The following TAF10 variants were observed in gnomAD, a reference collection of about 807,000 sequenced individuals.
The protein encoded by TAF10 is TATA-box binding protein associated factor 10.
In TAF10, 2 loss-of-function variants were observed where a neutral mutation model predicts 18.1. That is an observed-to-expected ratio of 0.11 (90% CI 0.05 to 0.35). The LOEUF (loss-of-function observed/expected upper bound fraction) is 0.35, where lower values mean the gene tolerates loss of function less well. Ranked by LOEUF, TAF10 falls within the 10% of genes least tolerant of loss-of-function variation. The probability of loss-of-function intolerance (pLI) is 1.00; values close to 1 mark genes in which losing one functional copy is unlikely to be tolerated. For missense variants in TAF10, 293 were observed against 306.9 expected (o/e 0.95, Z 0.34); for synonymous variants, 158 against 134.6 (o/e 1.17, Z -1.20).
At position 6,610,565 on chromosome 11, in the gene TAF10, A is replaced by G; in HGVS notation, c.*357T>C. ...AATGAAGACCCTGCAAAGCGACCCA[A>G]ATTTGACATGATTGTGCCTATCCTT... On this transcript the variant is annotated 3_prime_UTR_variant, in exon 5 of 5. Transcript: ENST00000299424. The G allele has an allele frequency of 1.9e-6, 3 of 1,614,208 alleles. No individual in the cohort carries two copies. Among genetic ancestry groups the G allele is most frequent in the South Asian group, 1.1e-5 (1 of 91,082 alleles).
Position 6,609,798 on chromosome 11 carries a change from C to T in TAF10, c.*1124G>A, listed in dbSNP as rs376990122. 9 of 1,614,062 alleles carry T rather than the reference C, an allele frequency of 5.6e-6. No individual in the cohort carries two copies. In the East Asian group the frequency reaches 1.6e-4, roughly 28 times the overall value. Reference sequence around the variant, plus strand: ...AAGGGGCATGGCCTTCCTACACACACTAGAGCCCCTCATCCCACGACATGC... The same window carrying T: ...AAGGGGCATGGCCTTCCTACACACATTAGAGCCCCTCATCCCACGACATGC... On this transcript the variant is annotated 3_prime_UTR_variant, in exon 5 of 5. Coordinates refer to ENST00000299424, the MANE Select transcript of TAF10 (RefSeq NM_006284.4).
Position 6,609,412 on chromosome 11 carries a change from G to T in TAF10, c.*1510C>A. On this transcript the variant is annotated 3_prime_UTR_variant, in exon 5 of 5. Coordinates refer to ENST00000299424, the MANE Select transcript of TAF10 (RefSeq NM_006284.4). ...ATGAAGAGTGTCCCCGGCTCAGGTAGTGCAAGGCGTAACCTGGAAGCTGCT... is the reference window on the plus strand; with the variant it reads ...ATGAAGAGTGTCCCCGGCTCAGGTATTGCAAGGCGTAACCTGGAAGCTGCT... 6.2e-7 allele frequency: 1 copy of T among 1,613,706 alleles called. No individual in the cohort carries two copies. Among genetic ancestry groups the T allele is most frequent in the Non-Finnish European group, 8.5e-7 (1 of 1,179,678 alleles).
chr11:6,611,129 C>T (rs560143666), intron 4 of TAF10, 60 bp downstream of exon 4: 1 of 1,591,572 alleles, frequency 6.3e-7, no homozygotes, highest in East Asian at 2.2e-5. Flanking sequence ...AAAGGGGTGG[C>T]AGGATAAGCC....
chr11:6,610,017 G>A lies in TAF10; in HGVS notation c.*905C>T. On this transcript the variant is annotated 3_prime_UTR_variant, in exon 5 of 5. Transcript: ENST00000299424. ...ATGTCCTGGTCGCATGTATGCACCT[G>A]CCTGGGTAGCCCCCGAAGGTGAGTG... 2 of 1,614,182 alleles carry A rather than the reference G, an allele frequency of 1.2e-6. No individual in the cohort carries two copies. Among genetic ancestry groups the A allele is most frequent in the Admixed American group, 1.7e-5 (1 of 60,034 alleles).
Position 6,608,500 on chromosome 11 carries a change from A to T in TAF10, c.*2422T>A. ...GATCAAGTGGCAGAGGTGAGTACTC[A>T]GCCCTTAATTCCTGAGATGGGTAGG... On this transcript the variant is annotated 3_prime_UTR_variant, in exon 5 of 5. Coordinates refer to ENST00000299424, the MANE Select transcript of TAF10 (RefSeq NM_006284.4). This position sits in a 1 kb window ranked among gnomAD's most constrained non-coding sequence, Gnocchi z 4.9. 1.3e-6 allele frequency: 2 copies of T among 1,597,466 alleles called. No homozygotes were observed. Among genetic ancestry groups the T allele is most frequent in the Middle Eastern group, 3.3e-4 (2 of 6,010 alleles).
Position 6,612,108 on chromosome 11 carries a change from A to G in TAF10, c.82T>C (p.Ser28Pro). 8.2e-7 allele frequency: 1 copy of G among 1,220,822 alleles called. No individual in the cohort carries two copies. Among genetic ancestry groups the G allele is most frequent in the Non-Finnish European group, 1.0e-6 (1 of 981,640 alleles). 75.6% of individuals were successfully genotyped at this position (1,220,822 alleles called of 1,614,324 possible). Residue 28 changes from serine to proline, a missense_variant, in exon 1 of 5, where the codon TCG becomes CCG. Physicochemically the swap from Ser to Pro is moderately conservative, Grantham distance 74. Transcript: ENST00000299424. The part of the protein sequence containing the change: ...ASAPGPAPPV[S>P]APAALPSSTA... ...CTGGAGGGCAGCGCGGCGGGAGCCG[A>G]GACCGGGGGCGCGGGGCCCGGGGCC...
chr11:6,609,321 G>A lies in TAF10; in HGVS notation c.*1601C>T, dbSNP rs374924048. 10 of 1,614,116 alleles carry A rather than the reference G, an allele frequency of 6.2e-6. No homozygotes were observed. In the East Asian group the frequency reaches 2.2e-4, roughly 36 times the overall value. On this transcript the variant is annotated 3_prime_UTR_variant, in exon 5 of 5. Coordinates refer to ENST00000299424, the MANE Select transcript of TAF10 (RefSeq NM_006284.4). ...CAGCTATGGAAGGGCCGCTGGCAGGGCAATGACATTGTCGTGAAGGTGCTG... is the reference window on the plus strand; with the variant it reads ...CAGCTATGGAAGGGCCGCTGGCAGGACAATGACATTGTCGTGAAGGTGCTG...
Position 6,609,026 on chromosome 11 carries a change from C to T in TAF10, c.*1896G>A. The T allele has an allele frequency of 3.7e-6, 6 of 1,611,806 alleles. No individual in the cohort carries two copies. The highest frequency in any genetic ancestry group is 5.1e-6 in the Non-Finnish European group (6 of 1,177,918). On this transcript the variant is annotated 3_prime_UTR_variant, in exon 5 of 5. Transcript: ENST00000299424. The stretch of plus-strand genomic sequence containing the variant: ...AGGAAATAATCCTGGCCTCTTGGGG[C>T]TGGGTTAGGGTGAAGCTGGGTACCT...
Position 6,610,822 on chromosome 11 carries a change from A to G in TAF10, c.*100T>C. On this transcript the variant is annotated 3_prime_UTR_variant, in exon 5 of 5. Coordinates refer to ENST00000299424, the MANE Select transcript of TAF10 (RefSeq NM_006284.4). Reference sequence around the variant, plus strand: ...GTCACTTGCCACATGGTGTCTCCCAACATGGGAGGGATCAGCCCCGCCTGT... The same window carrying G: ...GTCACTTGCCACATGGTGTCTCCCAGCATGGGAGGGATCAGCCCCGCCTGT... 1 of 1,444,422 alleles carries G rather than the reference A, an allele frequency of 6.9e-7. No homozygotes were observed. Among genetic ancestry groups the G allele is most frequent in the Non-Finnish European group, 9.7e-7 (1 of 1,032,696 alleles). 89.5% of individuals were successfully genotyped at this position (1,444,422 alleles called of 1,614,324 possible). A position where few individuals can be genotyped will look rare whatever the true frequency, so the allele number is the denominator to read the frequency against.
rs1395427786 is a variant in TAF10 at position 6,611,913 on chromosome 11, C to T, written c.232+45G>A. 8 of 1,575,554 alleles carry T rather than the reference C, an allele frequency of 5.1e-6. No individual in the cohort carries two copies. In the Admixed American group the frequency reaches 1.2e-4, roughly 24 times the overall value. On this transcript the variant is annotated intron_variant, in intron 1 of 4. Transcript: ENST00000299424. Reference sequence around the variant, plus strand: ...CCTCTGCCCTCACCCGCCGCTGGACCCAGCCCAAGACGCTTCCCTCGCCCT... The same window carrying T: ...CCTCTGCCCTCACCCGCCGCTGGACTCAGCCCAAGACGCTTCCCTCGCCCT...
In TAF10 at chr11:6,609,703, T is replaced by G; in HGVS notation, c.*1219A>C. 6.2e-7 allele frequency: 1 copy of G among 1,614,214 alleles called. No homozygotes were observed. Among genetic ancestry groups the G allele is most frequent in the African/African-American group, 1.3e-5 (1 of 75,046 alleles). On this transcript the variant is annotated 3_prime_UTR_variant, in exon 5 of 5. Transcript: ENST00000299424. ...CAGAGAGGGAGCCTCTCTGAACTATTTGACTTTTGCCTCCTCTCAGATTTC... is the reference window on the plus strand; with the variant it reads ...CAGAGAGGGAGCCTCTCTGAACTATGTGACTTTTGCCTCCTCTCAGATTTC...
rs767755937 is a variant in TAF10 at position 6,609,499 on chromosome 11, C to A, written c.*1423G>T. 2 of 1,614,048 alleles carry A rather than the reference C, an allele frequency of 1.2e-6. No homozygotes were observed. The highest frequency in any genetic ancestry group is 1.7e-6 in the Non-Finnish European group (2 of 1,180,030). ...TTTTGTACTGGGTCTCAACCACTCC[C>A]TCCCTCTTCTAGGATTTTCTCGCAT... On this transcript the variant is annotated 3_prime_UTR_variant, in exon 5 of 5. Coordinates refer to ENST00000299424, the MANE Select transcript of TAF10 (RefSeq NM_006284.4).
rs1855284029 is a variant in TAF10 at position 6,609,498 on chromosome 11, C to T, written c.*1424G>A. The T allele has an allele frequency of 6.2e-7, 1 of 1,614,118 alleles. No individual in the cohort carries two copies. The highest frequency in any genetic ancestry group is 8.5e-7 in the Non-Finnish European group (1 of 1,180,030). ...CTTTTGTACTGGGTCTCAACCACTCCCTCCCTCTTCTAGGATTTTCTCGCA... is the reference window on the plus strand; with the variant it reads ...CTTTTGTACTGGGTCTCAACCACTCTCTCCCTCTTCTAGGATTTTCTCGCA... On this transcript the variant is annotated 3_prime_UTR_variant, in exon 5 of 5. Transcript: ENST00000299424.
At position 6,608,834 on chromosome 11, in the gene TAF10, CACCT is replaced by C; in HGVS notation, c.*2084_*2087del. The C allele has an allele frequency of 4.3e-6, 7 of 1,612,516 alleles. No individual in the cohort carries two copies. Among genetic ancestry groups the C allele is most frequent in the Non-Finnish European group, 5.9e-6 (7 of 1,178,492 alleles). The stretch of plus-strand genomic sequence containing the variant: ...TAGCTTGTGTCCTCTCGTCCCTTCC[CACCT>C]GTCTTCTCCCTCTGTACCACAGCTT... On this transcript the variant is annotated 3_prime_UTR_variant, in exon 5 of 5. Coordinates refer to ENST00000299424, the MANE Select transcript of TAF10 (RefSeq NM_006284.4). This position sits in a 1 kb window ranked among gnomAD's most constrained non-coding sequence, Gnocchi z 4.9.
rs181826961 is a variant in TAF10 at position 6,610,299 on chromosome 11, A to G, written c.*623T>C. Reference sequence around the variant, plus strand: ...TGAAGGTGAGAGCACAACAGCATACATTTGTGTTGCGGGAGTGGTTGGTGA... The same window carrying G: ...TGAAGGTGAGAGCACAACAGCATACGTTTGTGTTGCGGGAGTGGTTGGTGA... On this transcript the variant is annotated 3_prime_UTR_variant, in exon 5 of 5. Coordinates refer to ENST00000299424, the MANE Select transcript of TAF10 (RefSeq NM_006284.4). 158 of 1,614,068 alleles carry G rather than the reference A, an allele frequency of 9.8e-5. No homozygotes were observed. The East Asian group carries it at 3.1e-3, about 31-fold the overall frequency.
chr11:6,612,147 C>A lies in TAF10; in HGVS notation c.43G>T (p.Ala15Ser). Reference sequence around the variant, plus strand: ...GGGCCCGGGGCCGAGGCGGCGGAGGCCGGCGCCGCCTCGGGGTCCGCGCCG... The same window carrying A: ...GGGCCCGGGGCCGAGGCGGCGGAGGACGGCGCCGCCTCGGGGTCCGCGCCG... ...GSGADPEAAP[A>S]SAASAPGPAP... Residue 15 changes from alanine (A) to serine (S), a missense_variant, in exon 1 of 5, where the codon GCC (alanine) becomes TCC (serine). By Grantham distance (99) the Ala-to-Ser change is moderately conservative. Transcript: ENST00000299424. The A allele has an allele frequency of 8.4e-7, 1 of 1,193,942 alleles. No individual in the cohort carries two copies. Among genetic ancestry groups the A allele is most frequent in the Admixed American group, 4.5e-5 (1 of 22,140 alleles). The allele number at this position is 1,193,942 out of a possible 1,614,324, so 74.0% of individuals were successfully genotyped here.
Position 6,610,891 on chromosome 11 carries a change from G to C in TAF10, c.*31C>G. 2.5e-6 allele frequency: 4 copies of C among 1,610,604 alleles called. No individual in the cohort carries two copies. Among genetic ancestry groups the C allele is most frequent in the Non-Finnish European group, 3.4e-6 (4 of 1,176,784 alleles). The stretch of plus-strand genomic sequence containing the variant: ...GAAAACAGGCTGGTGTGGGGACATG[G>C]GGACAGATAAGTACATTTAGGTTGG... On this transcript the variant is annotated 3_prime_UTR_variant, in exon 5 of 5. Transcript: ENST00000299424.
rs756620800 is a variant in TAF10, at chr11:6,610,609, T to C, written c.*313A>G. 7 of 1,614,080 alleles carry C rather than the reference T, an allele frequency of 4.3e-6. No individual in the cohort carries two copies. In the East Asian group the frequency reaches 8.9e-5, roughly 21 times the overall value. On this transcript the variant is annotated 3_prime_UTR_variant, in exon 5 of 5. Transcript: ENST00000299424. Reference sequence around the variant, plus strand: ...TATCCTTGAGAAGATGCAGGACAAGTAGGACTGGAAGGTCCTTGCCTGAAC... The same window carrying C: ...TATCCTTGAGAAGATGCAGGACAAGCAGGACTGGAAGGTCCTTGCCTGAAC...
chr11:6,612,198 TG>T lies in TAF10; in HGVS notation c.-10del. 1 of 1,237,478 alleles carries T rather than the reference TG, an allele frequency of 8.1e-7. No homozygotes were observed. The highest frequency in any genetic ancestry group is 3.6e-5 in the Admixed American group (1 of 28,148). The allele number at this position is 1,237,478 out of a possible 1,614,324, so 76.7% of individuals were successfully genotyped here. ...GAGCCGCTGCAGCTCATCGGGCCGG[TG>T]GGAGAGGCGGCGAACAGAGCCGCTT... On this transcript the variant is annotated 5_prime_UTR_variant, in exon 1 of 5. Transcript: ENST00000299424.
Sources: allele counts gnomAD v4.1 joint callset, GRCh38; gene constraint gnomAD v4.1.1; non-coding constraint Gnocchi (gnomAD v3.1); transcripts MANE v1.5; gene names NCBI Gene and HGNC (gene_info 2026-07-23, HGNC 2026-07-21).